Variants in COLGALT2 observed in about 807,000 individuals in gnomAD.
COLGALT2 encodes procollagen galactosyltransferase 2.
COLGALT2 carries 49 observed loss-of-function variants against 73.4 expected under a neutral mutation model. The ratio of observed to expected loss-of-function variants is 0.67; its 90% CI spans 0.53 to 0.85. COLGALT2 has a LOEUF of 0.85. Among genes scored for constraint, COLGALT2 ranks in the 40% least tolerant of loss-of-function variants. The probability of loss-of-function intolerance (pLI) is 0.00; values close to 1 mark genes in which losing one functional copy is unlikely to be tolerated. For missense variants in COLGALT2, 722 were observed against 790.2 expected (o/e 0.91, Z 1.03); for synonymous variants, 295 against 307.6 (o/e 0.96, Z 0.43).
At chr1:184,007,449 T>C (rs900580618) in intron 1 of COLGALT2, among the ~76,000 whole-genome samples, 4 of 152,234 alleles carry the variant, frequency 2.6e-5, no homozygotes, top group Non-Finnish European at 5.9e-5. Flanking sequence ...TTTCTTTTTC[T>C]ACAATACATA....
At chr1:184,005,541 G>A (rs1230945623) in intron 1 of COLGALT2, among the ~76,000 whole-genome samples, 5 of 152,080 alleles carry the variant, frequency 3.3e-5, no homozygotes, top group Non-Finnish European at 7.4e-5. Flanking sequence ...GAGCTACCTG[G>A]TTATACTCAG....
At chr1:183,953,794 G>T (rs1670477220) in intron 7 of COLGALT2, among the ~76,000 whole-genome samples, 1 of 152,042 alleles carries the variant, frequency 6.6e-6, no homozygotes, top group Admixed American at 6.5e-5. Context: ...CTGAAGTATA[G>T]CTCCAAATCA....
chr1:184,027,565 A>G (rs906158121), intron 1 of COLGALT2, among the ~76,000 whole-genome samples: 9 of 152,366 alleles, frequency 5.9e-5, no homozygotes, highest in South Asian at 4.1e-4. Context: ...AATGGTAAGG[A>G]CCATGTCCAC....
exon 12 of COLGALT2, chr1:183,930,096 C>A: frequency 2.5e-6 from 1 of 405,700 alleles, no homozygotes; most frequent in Non-Finnish European, 4.9e-6. Context: ...TGTTCACAGC[C>A]CATCAACCAG....
Position 183,936,592 on chromosome 1 carries a change from C to T in COLGALT2, c.*2169G>A. 2.6e-6 allele frequency: 3 copies of T among 1,164,824 alleles called. No homozygotes were observed. Among genetic ancestry groups the T allele is most frequent in the Non-Finnish European group, 3.2e-6 (3 of 946,472 alleles). 72.2% of individuals were successfully genotyped at this position (1,164,824 alleles called of 1,614,324 possible). A position where few individuals can be genotyped will look rare whatever the true frequency, so the allele number is the denominator to read the frequency against. On this transcript the variant is annotated 3_prime_UTR_variant, in exon 12 of 12. Coordinates refer to ENST00000361927, the MANE Select transcript of COLGALT2 (RefSeq NM_015101.4). ...CCCAAACTTCCTTCAACCCCAGCAC[C>T]CCAGCCACCTCCCACCCCATTAAAA...
At chr1:183,956,780 A>G (rs1670566382) in intron 6 of COLGALT2, among the ~76,000 whole-genome samples, 1 of 152,200 alleles carries the variant, frequency 6.6e-6, no homozygotes, top group Admixed American at 6.5e-5. Flanking sequence ...GAAAGTCATC[A>G]CTGAGCAAAA....
chr1:183,936,568 C>G lies in COLGALT2; in HGVS notation c.*2193G>C. The stretch of plus-strand genomic sequence containing the variant: ...TAAACAAAACACCACAAAAATCAAC[C>G]CAAACTTCCTTCAACCCCAGCACCC... On this transcript the variant is annotated 3_prime_UTR_variant, in exon 12 of 12. Transcript: ENST00000361927. The G allele has an allele frequency of 8.9e-7, 1 of 1,126,956 alleles. No homozygotes were observed. Among genetic ancestry groups the G allele is most frequent in the Non-Finnish European group, 1.1e-6 (1 of 922,350 alleles). The allele number at this position is 1,126,956 out of a possible 1,614,324, so 69.8% of individuals were successfully genotyped here.
At chr1:184,030,703 A>C (rs1179516619) in intron 1 of COLGALT2, among the ~76,000 whole-genome samples, 1 of 152,242 alleles carries the variant, frequency 6.6e-6, no homozygotes, top group Non-Finnish European at 1.5e-5. Flanking sequence ...ATTTGGAGTC[A>C]CAAAGAAACT....
At chr1:184,015,177 A>C (rs1648960591) in intron 1 of COLGALT2, among the ~76,000 whole-genome samples, 1 of 152,212 alleles carries the variant, frequency 6.6e-6, no homozygotes, top group Non-Finnish European at 1.5e-5. Flanking sequence ...GACCAAAGGA[A>C]ACTTTGGTAG....
intron 4 of COLGALT2, among the ~76,000 whole-genome samples, chr1:183,972,747 T>A (rs1171222061): frequency 6.6e-6 from 1 of 152,034 alleles, no homozygotes; most frequent in East Asian, 1.9e-4. Flanking sequence ...TCACCCAGGC[T>A]GGAGCGCAGT....
chr1:183,945,599 G>T (rs1444577708), intron 8 of COLGALT2, 35 bp from the exon 9 acceptor site: 2 of 1,611,048 alleles, frequency 1.2e-6, no homozygotes, highest in East Asian at 4.5e-5. Flanking sequence ...AGATTAACAA[G>T]TCAAAGGTCC....
Position 183,936,152 on chromosome 1 carries a change from G to A in COLGALT2, c.*2609C>T, listed in dbSNP as rs149271313. The A allele has an allele frequency of 3.6e-4, 353 of 985,604 alleles. 1 individual carries two copies. The African/African-American group carries it at 5.6e-3, about 16-fold the overall frequency. 61.1% of individuals were successfully genotyped at this position (985,604 alleles called of 1,614,324 possible). A position where few individuals can be genotyped will look rare whatever the true frequency, so the allele number is the denominator to read the frequency against. On this transcript the variant is annotated 3_prime_UTR_variant, in exon 12 of 12. Coordinates refer to ENST00000361927, the MANE Select transcript of COLGALT2 (RefSeq NM_015101.4). The stretch of plus-strand genomic sequence containing the variant: ...GGTTTAGCCTCCAGAGGCAGAGAGC[G>A]GGTGCCAGGCCCAGATGCAAAGGCC...
intron 1 of COLGALT2, among the ~76,000 whole-genome samples, chr1:184,035,923 T>C (rs900408174): frequency 3.9e-5 from 6 of 152,230 alleles, no homozygotes; most frequent in Non-Finnish European, 7.3e-5. Context: ...ATCACATGTT[T>C]GCTTTCGCAC....
chr1:183,978,515 G>A lies in COLGALT2; in HGVS notation c.269C>T (p.Ala90Val), dbSNP rs866754853. ...YPKSRMAIWA[A>V]TDHNVDNTTE... ...TGTATTATCCACATTGTGATCAGTGGCTGCCCTGCATGAGAGAAAGCACAA... is the reference window on the plus strand; with the variant it reads ...TGTATTATCCACATTGTGATCAGTGACTGCCCTGCATGAGAGAAAGCACAA... The change falls in exon 2 of 12, where the codon GCC becomes GTC. Residue 90 changes from alanine (A) to valine (V), a missense_variant. Coordinates refer to ENST00000361927, the MANE Select transcript of COLGALT2 (RefSeq NM_015101.4). 1 of 1,592,046 alleles carries A rather than the reference G, an allele frequency of 6.3e-7. No homozygotes were observed. The highest frequency in any genetic ancestry group is 8.6e-7 in the Non-Finnish European group (1 of 1,161,498).
intron 1 of COLGALT2, among the ~76,000 whole-genome samples, chr1:183,996,858 C>T (rs547623373): frequency 1.3e-5 from 2 of 152,244 alleles, no homozygotes; most frequent in South Asian, 4.2e-4. Context: ...GAATATGCAC[C>T]CAGAGGGCAC....
chr1:183,971,000 T>C (rs750283485), intron 4 of COLGALT2, among the ~76,000 whole-genome samples: 59 of 152,108 alleles, frequency 3.9e-4, no homozygotes, highest in Non-Finnish European at 7.6e-4. Context: ...CCCAGAATGA[T>C]TAGCTTGGAA....
At chr1:183,969,533 T>G (rs1670979926) in intron 4 of COLGALT2, 60 bp from the exon 5 acceptor site, 2 of 1,457,992 alleles carry the variant, frequency 1.4e-6, no homozygotes, top group Non-Finnish European at 9.3e-7. Context: ...TCCTTCTCAG[T>G]CATTTGCTAG....
chr1:183,981,761 A>T (rs929728309), intron 1 of COLGALT2, among the ~76,000 whole-genome samples: 4 of 152,014 alleles, frequency 2.6e-5, no homozygotes, highest in East Asian at 1.9e-4. Context: ...TATTCAAAAA[A>T]TTTTTTTTAT....
intron 3 of COLGALT2, 79 bp from the exon 4 acceptor site, chr1:183,973,829 G>A (rs761395268): frequency 1.1e-4 from 158 of 1,394,396 alleles, no homozygotes; most frequent in Admixed American, 5.6e-4. Flanking sequence ...CCCTTCTGAA[G>A]GATCCCAGAA....
Sources: allele counts gnomAD v4.1 joint callset (sites outside exome capture counted in the v4.1 genomes callset), GRCh38; gene constraint gnomAD v4.1.1; transcripts MANE v1.5; gene names NCBI Gene and HGNC (gene_info 2026-07-23, HGNC 2026-07-21).